The following FNIP2 variants were observed in gnomAD, a reference collection of about 807,000 sequenced individuals.
The protein encoded by FNIP2 is folliculin-interacting protein 2.
FNIP2 carries 32 observed loss-of-function variants against 108.7 expected under a neutral mutation model. The observed-to-expected ratio is 0.29, with a 90% confidence interval of 0.22 to 0.40. The LOEUF (loss-of-function observed/expected upper bound fraction) is 0.40, where lower values mean the gene tolerates loss of function less well. FNIP2 is among the 10% of genes least tolerant of loss of function. The probability of loss-of-function intolerance (pLI) is 1.00; values close to 1 mark genes in which losing one functional copy is unlikely to be tolerated. For missense variants in FNIP2, 1,202 were observed against 1,381.6 expected, an observed-to-expected ratio of 0.87 and a Z score of 2.06; for synonymous variants, 480 against 496.7, an observed-to-expected ratio of 0.97 and a Z score of 0.45.
intron 1 of FNIP2, among the ~76,000 whole-genome samples, chr4:158,782,692 T>G (rs1776093719): frequency 6.6e-6 from 1 of 152,138 alleles, no homozygotes; most frequent in Non-Finnish European, 1.5e-5. Flanking sequence ...TTCTCACGAT[T>G]GTTGTATTTT....
At chr4:158,847,886 G>A (rs1300057170) in intron 7 of FNIP2, among the ~76,000 whole-genome samples, 1 of 152,188 alleles carries the variant, frequency 6.6e-6, no homozygotes, top group Admixed American at 6.5e-5. Context: ...CCGTGGTGGT[G>A]GTGGACATGG....
chr4:158,770,407 G>A (rs1047555679), intron 1 of FNIP2, among the ~76,000 whole-genome samples: 6 of 152,120 alleles, frequency 3.9e-5, no homozygotes, highest in Admixed American at 2.6e-4. Flanking sequence ...CTGTTAAACA[G>A]ATCTAGACCC....
chr4:158,891,274 A>C (rs1234206275), intron 14 of FNIP2, among the ~76,000 whole-genome samples, 172 bp from the exon 15 acceptor site: 2 of 140,852 alleles, frequency 1.4e-5, no homozygotes, highest in Non-Finnish European at 3.0e-5. Context: ...TGACTGCTTC[A>C]GTGTTTACCC....
intron 10 of FNIP2, among the ~76,000 whole-genome samples, chr4:158,860,788 C>T (rs947311816): frequency 6.6e-6 from 1 of 151,656 alleles, no homozygotes; most frequent in African/African-American, 2.4e-5. Context: ...TCCCGAGTAG[C>T]TGGGTTTACA....
intron 1 of FNIP2, among the ~76,000 whole-genome samples, chr4:158,780,640 G>A (rs1776011360): frequency 6.6e-6 from 1 of 152,198 alleles, no homozygotes; most frequent in African/African-American, 2.4e-5. Context: ...AAGTCAGTCA[G>A]CTCTTATTAA....
intron 1 of FNIP2, among the ~76,000 whole-genome samples, chr4:158,803,591 A>G (rs1776834638): frequency 1.3e-5 from 2 of 152,254 alleles, no homozygotes; most frequent in Admixed American, 6.5e-5. Flanking sequence ...TCATGTAGAG[A>G]CATCCCCTTT....
intron 3 of FNIP2, 47 bp from the exon 4 acceptor site, chr4:158,831,814 A>G (rs774459841): frequency 5.0e-6 from 6 of 1,198,496 alleles, no homozygotes; most frequent in Non-Finnish European, 7.3e-6. Context: ...GTTGCATTGC[A>G]TGTCATGTTC....
intron 1 of FNIP2, among the ~76,000 whole-genome samples, chr4:158,772,557 A>C (rs141401023): frequency 5.8e-4 from 89 of 152,340 alleles, no homozygotes; most frequent in African/African-American, 2.1e-3. Context: ...CTGGGATATG[A>C]AGAACAAGTG....
chr4:158,851,916 G>A, intron 8 of FNIP2, among the ~76,000 whole-genome samples: 1 of 152,150 alleles, frequency 6.6e-6, no homozygotes. Flanking sequence ...AAATAGAGAT[G>A]GCATCTAGGT....
At chr4:158,853,206 A>G (rs1432440801) in intron 8 of FNIP2, among the ~76,000 whole-genome samples, 1 of 152,162 alleles carries the variant, frequency 6.6e-6, no homozygotes, top group East Asian at 1.9e-4. Context: ...TTAGTCATCA[A>G]AGTTTATAGT....
At chr4:158,863,091 C>G (rs1426214824) in intron 12 of FNIP2, among the ~76,000 whole-genome samples, 2 of 152,202 alleles carry the variant, frequency 1.3e-5, no homozygotes, top group African/African-American at 4.8e-5. Context: ...CTTCAGTCCT[C>G]CCTTCCCCCA....
At chr4:158,831,824 C>A in intron 3 of FNIP2, 37 bp from the exon 4 acceptor site, 1 of 1,328,952 alleles carries the variant, frequency 7.5e-7, no homozygotes. Flanking sequence ...ATGTCATGTT[C>A]CATGTACTAA....
intron 14 of FNIP2, chr4:158,871,694 A>C: frequency 1.0e-6 from 1 of 985,352 alleles, no homozygotes; most frequent in Non-Finnish European, 1.2e-6. Flanking sequence ...GCCACCCCTC[A>C]CCAGGATACT....
At chr4:158,876,953 A>G (rs922912503) in intron 14 of FNIP2, among the ~76,000 whole-genome samples, 1 of 152,236 alleles carries the variant, frequency 6.6e-6, no homozygotes. Context: ...TGTCTCTTGC[A>G]TCGTGTCAGA....
chr4:158,787,073 G>C, intron 1 of FNIP2, among the ~76,000 whole-genome samples: 1 of 152,108 alleles, frequency 6.6e-6, no homozygotes, highest in East Asian at 1.9e-4. Context: ...ATCTCCCAAA[G>C]TCTAGGAGGG....
At chr4:158,792,142 C>T (rs953185029) in intron 1 of FNIP2, among the ~76,000 whole-genome samples, 1 of 152,100 alleles carries the variant, frequency 6.6e-6, no homozygotes, top group African/African-American at 2.4e-5. Context: ...TAAGTACAGT[C>T]CTCATTATTT....
chr4:158,822,760 A>G (rs1466661539), intron 1 of FNIP2, among the ~76,000 whole-genome samples: 2 of 152,192 alleles, frequency 1.3e-5, no homozygotes, highest in African/African-American at 2.4e-5. Flanking sequence ...TCAGCAACCT[A>G]AGTAGCTGGG....
rs949840738 is a variant in FNIP2 at position 158,906,317 on chromosome 4, G to C, written c.*1773G>C. The C allele has an allele frequency of 5.9e-5, 9 of 152,172 alleles. No individual in the cohort carries two copies. Among genetic ancestry groups the C allele is most frequent in the African/African-American group, 2.2e-4 (9 of 41,440 alleles). 9.4% of individuals were successfully genotyped at this position (152,172 alleles called of 1,614,324 possible). On this transcript the variant is annotated 3_prime_UTR_variant, in exon 17 of 17. Coordinates refer to ENST00000264433, the MANE Select transcript of FNIP2 (RefSeq NM_020840.3). ...CAGAGCTGATGTTACAGCTTTTACA[G>C]TTTAAAGCATTCCCCTCGTCTCTAG...
intron 16 of FNIP2, among the ~76,000 whole-genome samples, chr4:158,899,710 T>C (rs995984240): frequency 3.3e-5 from 5 of 152,212 alleles, no homozygotes; most frequent in African/African-American, 1.2e-4. Context: ...CCTTTATCAT[T>C]TTTTGTTGCA....
Sources: gnomAD v4.1 joint callset for allele counts (sites outside exome capture counted in the v4.1 genomes callset) on GRCh38, gnomAD v4.1.1 for gene constraint, MANE v1.5 for transcripts, NCBI Gene and HGNC (gene_info 2026-07-23, HGNC 2026-07-21) for gene names.